The following CCDC171 variants were observed in gnomAD, a reference collection of about 807,000 sequenced individuals.
CCDC171 encodes coiled-coil domain-containing protein 171.
Under a neutral mutation model 168.2 loss-of-function variants are expected in CCDC171, and 177 were observed. The observed-to-expected ratio is 1.05, with a 90% confidence interval of 0.93 to 1.19. CCDC171 has a LOEUF of 1.19. Ranked by LOEUF, CCDC171 falls within the 50% of genes most tolerant of loss-of-function variation. The probability of loss-of-function intolerance (pLI) is 0.00; values close to 1 mark genes in which losing one functional copy is unlikely to be tolerated. For missense variants in CCDC171, 1,991 were observed against 1,539.0 expected, an observed-to-expected ratio of 1.29 and a Z score of -4.91; for synonymous variants, 687 against 540.8, an observed-to-expected ratio of 1.27 and a Z score of -3.75.
chr9:15,703,274 A>G (rs1480765319), intron 11 of CCDC171, among the ~76,000 whole-genome samples: 2 of 152,224 alleles, frequency 1.3e-5, no homozygotes, highest in Non-Finnish European at 2.9e-5. Flanking sequence ...GCAGACCATT[A>G]CAACATTCTC....
At position 15,972,012 on chromosome 9, in the gene CCDC171, A is replaced by G. The variant is rs1008771916; in HGVS notation, c.*176A>G. On this transcript the variant is annotated 3_prime_UTR_variant, in exon 26 of 26. Transcript: ENST00000380701. ...GTCTCCTTGAATAAGGAAATAGCCA[A>G]CTTTTTTCTCTCCAAGTTTTATTTG... 2.5e-5 allele frequency: 13 copies of G among 527,504 alleles called. No individual in the cohort carries two copies. The highest frequency in any genetic ancestry group is 4.3e-5 in the Non-Finnish European group (13 of 301,644). The allele number at this position is 527,504 out of a possible 1,614,324, so 32.7% of individuals were successfully genotyped here.
intron 1 of CCDC171, among the ~76,000 whole-genome samples, chr9:15,553,822 G>A (rs2038544371): frequency 6.6e-6 from 1 of 151,254 alleles, no homozygotes; most frequent in Admixed American, 6.6e-5. Flanking sequence ...TGCAGAAATG[G>A]AGCCGACTTT....
chr9:15,596,330 A>C (rs1407510233), intron 6 of CCDC171, among the ~76,000 whole-genome samples: 2 of 151,856 alleles, frequency 1.3e-5, no homozygotes, highest in African/African-American at 4.8e-5. Context: ...TATAAGGTGT[A>C]AGGAAGGGAT....
chr9:15,756,200 C>G (rs1425489965), intron 18 of CCDC171, among the ~76,000 whole-genome samples: 3 of 151,976 alleles, frequency 2.0e-5, no homozygotes, highest in Non-Finnish European at 4.4e-5. Flanking sequence ...GATTTACTTT[C>G]TAAAAAGCAA....
intron 6 of CCDC171, among the ~76,000 whole-genome samples, chr9:15,615,777 A>ATTTTTTT (rs35595117): frequency 2.9e-5 from 4 of 140,190 alleles, no homozygotes; most frequent in African/African-American, 5.3e-5. Context: ...ATCACGTGTG[A>ATTTTTTT]TTTTTTTTTT....
intron 21 of CCDC171, among the ~76,000 whole-genome samples, chr9:15,799,562 C>A (rs2058721049): frequency 6.6e-6 from 1 of 151,798 alleles, no homozygotes; most frequent in Non-Finnish European, 1.5e-5. Context: ...TGTGTGATAA[C>A]CACATCATGG....
At chr9:15,912,279 T>C (rs1402654567) in intron 24 of CCDC171, among the ~76,000 whole-genome samples, 4 of 151,864 alleles carry the variant, frequency 2.6e-5, no homozygotes, top group Admixed American at 2.0e-4. Context: ...TTGTACCTTA[T>C]ATTCTTAGGT....
intron 4 of CCDC171, among the ~76,000 whole-genome samples, chr9:16,021,395 C>T (rs1833159878): frequency 6.6e-6 from 1 of 152,126 alleles, no homozygotes; most frequent in African/African-American, 2.4e-5. Flanking sequence ...CTCAATAAGA[C>T]AATTACTTAA....
At chr9:15,687,045 T>C (rs2050446023) in intron 10 of CCDC171, among the ~76,000 whole-genome samples, 1 of 152,144 alleles carries the variant, frequency 6.6e-6, no homozygotes, top group Non-Finnish European at 1.5e-5. Flanking sequence ...AGGATTGAAA[T>C]CATACAAAGT....
At chr9:16,030,475 G>A (rs565473132) in intron 6 of CCDC171, among the ~76,000 whole-genome samples, 12 of 152,294 alleles carry the variant, frequency 7.9e-5, no homozygotes, top group African/African-American at 2.6e-4. Flanking sequence ...GTCTATAGGT[G>A]TGTACTGTTC....
At chr9:15,835,403 G>A (rs1208359231) in intron 21 of CCDC171, among the ~76,000 whole-genome samples, 1 of 152,160 alleles carries the variant, frequency 6.6e-6, no homozygotes, top group Non-Finnish European at 1.5e-5. Context: ...TGTGATGAAA[G>A]TTGAGCTTAT....
At chr9:15,767,335 T>G (rs929069710) in intron 18 of CCDC171, among the ~76,000 whole-genome samples, 1 of 152,238 alleles carries the variant, frequency 6.6e-6, no homozygotes, top group African/African-American at 2.4e-5. Flanking sequence ...TTTATAGCTC[T>G]TTATTCCATC....
At chr9:15,893,852 T>C (rs1232042594) in intron 24 of CCDC171, among the ~76,000 whole-genome samples, 2 of 152,288 alleles carry the variant, frequency 1.3e-5, no homozygotes, top group Non-Finnish European at 2.9e-5. Flanking sequence ...TCAACCACTG[T>C]GGAAGACAGC....
chr9:15,810,114 C>A (rs1480643493), intron 21 of CCDC171, among the ~76,000 whole-genome samples: 1 of 152,020 alleles, frequency 6.6e-6, no homozygotes, highest in Non-Finnish European at 1.5e-5. Context: ...CATTTACAAT[C>A]CCTGAACTAG....
intron 11 of CCDC171, among the ~76,000 whole-genome samples, chr9:15,713,165 A>C (rs183487951): frequency 1.3e-5 from 2 of 152,338 alleles, no homozygotes; most frequent in East Asian, 3.9e-4. Context: ...AATGATAGTC[A>C]CATCCACTAC....
chr9:16,054,897 C>G (rs893432864), intron 1 of CCDC171, among the ~76,000 whole-genome samples: 1 of 152,140 alleles, frequency 6.6e-6, no homozygotes, highest in African/African-American at 2.4e-5. Context: ...CACATATATC[C>G]AAACACGCAG....
intron 6 of CCDC171, 28 bp from the exon 7 acceptor site, chr9:15,623,239 A>C (rs769816676): frequency 6.5e-7 from 1 of 1,531,788 alleles, no homozygotes; most frequent in Admixed American, 1.9e-5. Flanking sequence ...TATAAACTTT[A>C]TTGATGCAAA....
At chr9:15,872,175 A>C (rs758962201) in intron 23 of CCDC171, among the ~76,000 whole-genome samples, 1 of 152,036 alleles carries the variant, frequency 6.6e-6, no homozygotes, top group African/African-American at 2.4e-5. Flanking sequence ...ATATTATTCA[A>C]ATGATTATGA....
the CCDC171 span, among the ~76,000 whole-genome samples, chr9:16,071,728 G>A: frequency 2.6e-5 from 4 of 152,040 alleles, no homozygotes; most frequent in African/African-American, 9.7e-5. Context: ...TCTTTGTCTG[G>A]CCCCCTAGAG....
Sources: allele counts gnomAD v4.1 joint callset (sites outside exome capture counted in the v4.1 genomes callset), GRCh38; gene constraint gnomAD v4.1.1; transcripts MANE v1.5; gene names NCBI Gene and HGNC (gene_info 2026-07-23, HGNC 2026-07-21).